MYCBP2: variants seen among roughly 807,000 people sequenced by gnomAD.
The protein encoded by MYCBP2 is E3 ubiquitin-protein ligase MYCBP2.
In MYCBP2, 120 loss-of-function variants were observed where a neutral mutation model predicts 525.3. The ratio of observed to expected loss-of-function variants is 0.23; its 90% CI spans 0.20 to 0.27. MYCBP2 has a LOEUF of 0.27. MYCBP2 is among the 10% of genes least tolerant of loss of function. MYCBP2 has a pLI of 1.00. For missense variants in MYCBP2, 4,149 were observed against 5,657.1 expected, an observed-to-expected ratio of 0.73 and a Z score of 8.55; for synonymous variants, 1,894 against 1,955.8, an observed-to-expected ratio of 0.97 and a Z score of 0.83.
chr13:77,054,223 C>A (rs1368203849), intron 80 of MYCBP2, among the ~76,000 whole-genome samples: 1 of 152,030 alleles, frequency 6.6e-6, no homozygotes, highest in Non-Finnish European at 1.5e-5. Context: ...ATGGCCTGTG[C>A]AATGGCATGG....
At chr13:77,072,821 A>T (rs912557772) in intron 68 of MYCBP2, among the ~76,000 whole-genome samples, 1 of 152,212 alleles carries the variant, frequency 6.6e-6, no homozygotes, top group Non-Finnish European at 1.5e-5. Context: ...ACCCAAAAAG[A>T]AACAGATAAC....
chr13:77,061,223 C>T lies in MYCBP2; in HGVS notation c.12982G>A (p.Ala4328Thr). The T allele has an allele frequency of 6.2e-7, 1 of 1,612,234 alleles. No homozygotes were observed. The highest frequency in any genetic ancestry group is 1.1e-5 in the South Asian group (1 of 90,800). Residue 4328 changes from alanine (A) to threonine (T), a missense_variant, in exon 76 of 83, where the codon GCA (alanine) becomes ACA (threonine). Transcript: ENST00000544440. ...CGRTKLFWLM[A>T]LADSKTMKAM... Reference sequence around the variant, plus strand: ...TTCATTGTTTTAGAATCTGCCAGTGCCATCAACCAGAACAATTTGGTTCTA... The same window carrying T: ...TTCATTGTTTTAGAATCTGCCAGTGTCATCAACCAGAACAATTTGGTTCTA...
chr13:77,278,115 AT>A, intron 4 of MYCBP2, among the ~76,000 whole-genome samples: 1 of 152,344 alleles, frequency 6.6e-6, no homozygotes, highest in East Asian at 1.9e-4. Context: ...ATTTTTATTT[AT>A]GATGAATACA....
intron 1 of MYCBP2, among the ~76,000 whole-genome samples, chr13:77,313,928 C>T (rs2080587462): frequency 6.6e-6 from 1 of 150,710 alleles, no homozygotes; most frequent in Non-Finnish European, 1.5e-5. Context: ...CATATGTCAT[C>T]AGAGAAATGA....
At chr13:77,222,538 C>T (rs753393249) in intron 20 of MYCBP2, among the ~76,000 whole-genome samples, 4 of 152,050 alleles carry the variant, frequency 2.6e-5, no homozygotes, top group East Asian at 1.9e-4. Flanking sequence ...TGCCTCAGCT[C>T]GAAGGGTAGA....
At chr13:77,231,254 C>A (rs1594146133) in intron 18 of MYCBP2, among the ~76,000 whole-genome samples, 1 of 152,224 alleles carries the variant, frequency 6.6e-6, no homozygotes, top group East Asian at 1.9e-4. Flanking sequence ...AACCCCATGA[C>A]AAGCAAACTT....
At chr13:77,137,893 G>A (rs1186004430) in intron 52 of MYCBP2, among the ~76,000 whole-genome samples, 2 of 151,694 alleles carry the variant, frequency 1.3e-5, no homozygotes, top group Non-Finnish European at 2.9e-5. Context: ...TCTCCCATCT[G>A]TATAAAAAAC....
intron 26 of MYCBP2, among the ~76,000 whole-genome samples, chr13:77,201,062 T>A (rs2062473114): frequency 6.6e-6 from 1 of 151,956 alleles, no homozygotes; most frequent in Non-Finnish European, 1.5e-5. Context: ...TAAATGTAAA[T>A]GGACTAAATG....
chr13:77,270,972 T>C (rs552567966), intron 5 of MYCBP2, among the ~76,000 whole-genome samples: 2 of 152,312 alleles, frequency 1.3e-5, no homozygotes, highest in East Asian at 1.9e-4. Flanking sequence ...AACCATATTA[T>C]ACAATAGTTA....
chr13:77,198,746 C>G (rs1267182677), intron 26 of MYCBP2, among the ~76,000 whole-genome samples: 1 of 152,166 alleles, frequency 6.6e-6, no homozygotes, highest in East Asian at 1.9e-4. Flanking sequence ...AACACTATCT[C>G]TCACTCCTCC....
At chr13:77,110,565 CT>C (rs997645371) in intron 55 of MYCBP2, among the ~76,000 whole-genome samples, 1 of 152,104 alleles carries the variant, frequency 6.6e-6, no homozygotes, top group Non-Finnish European at 1.5e-5. Flanking sequence ...GGCATGTGAT[CT>C]TTGTGACCTA....
intron 55 of MYCBP2, chr13:77,099,390 T>C (rs1216855015): frequency 4.5e-6 from 1 of 221,796 alleles, no homozygotes; most frequent in African/African-American, 2.4e-5. Flanking sequence ...ATGTGAAAAC[T>C]TGTATTTTAA....
intron 27 of MYCBP2, among the ~76,000 whole-genome samples, chr13:77,193,206 TG>T (rs1196732646): frequency 1.3e-5 from 2 of 152,288 alleles, no homozygotes; most frequent in African/African-American, 4.8e-5. Context: ...AAGGCTTTGC[TG>T]AAAATTAATC....
chr13:77,295,064 A>G (rs1224437035), intron 2 of MYCBP2, among the ~76,000 whole-genome samples: 7 of 152,196 alleles, frequency 4.6e-5, no homozygotes, highest in African/African-American at 1.7e-4. Context: ...CCTCAGCCTC[A>G]GTCACAGGTA....
chr13:77,246,577 G>A (rs2070037978), intron 15 of MYCBP2, among the ~76,000 whole-genome samples: 1 of 148,738 alleles, frequency 6.7e-6, no homozygotes, highest in Admixed American at 6.8e-5. Flanking sequence ...AGGAGAAGGA[G>A]GAAAAGAAGG....
chr13:77,119,953 T>C (rs1398167400), intron 55 of MYCBP2, among the ~76,000 whole-genome samples: 1 of 152,230 alleles, frequency 6.6e-6, no homozygotes, highest in African/African-American at 2.4e-5. Context: ...TACTTTATTA[T>C]TTGTACATAA....
intron 26 of MYCBP2, among the ~76,000 whole-genome samples, chr13:77,203,772 C>T (rs1455710587): frequency 6.6e-6 from 1 of 151,942 alleles, no homozygotes; most frequent in African/African-American, 2.4e-5. Flanking sequence ...CTTTGACAAA[C>T]CTGAGAAAAA....
chr13:77,200,432 T>G lies in MYCBP2; in HGVS notation c.3843+4824A>C, dbSNP rs1167660638. On this transcript the variant is annotated intron_variant, in intron 26 of 82. Coordinates refer to ENST00000544440, the MANE Select transcript of MYCBP2 (RefSeq NM_015057.5). ...TACGTCTGATTGGTGTACCTGAAAG[T>G]GATGGGGAGAATGGAACCAAGTTGG... 2.6e-5 allele frequency among the ~76,000 whole-genome samples: 4 copies of G among 151,874 alleles called. No individual in the cohort carries two copies. In the East Asian group the frequency reaches 7.7e-4, roughly 29 times the overall value.
chr13:77,069,393 C>T (rs577301707), intron 69 of MYCBP2, among the ~76,000 whole-genome samples: 2 of 152,000 alleles, frequency 1.3e-5, no homozygotes, highest in Admixed American at 1.3e-4. Flanking sequence ...GAGGCCGAGG[C>T]GGGCGGATCA....
Sources: gnomAD v4.1 joint callset for allele counts (sites outside exome capture counted in the v4.1 genomes callset) on GRCh38, gnomAD v4.1.1 for gene constraint, MANE v1.5 for transcripts, NCBI Gene and HGNC (gene_info 2026-07-23, HGNC 2026-07-21) for gene names.